The following CSMD1 variants were observed in gnomAD, a reference collection of about 807,000 sequenced individuals.
The protein encoded by CSMD1 is CUB and Sushi multiple domains 1, also known as CUB and sushi domain-containing protein 1.
Under a neutral mutation model 417.5 loss-of-function variants are expected in CSMD1, and 213 were observed. That is an observed-to-expected ratio of 0.51 (90% CI 0.46 to 0.57). The LOEUF is 0.57. CSMD1 is among the 20% of genes least tolerant of loss of function. The probability of loss-of-function intolerance (pLI) is 0.00; values close to 1 mark genes in which losing one functional copy is unlikely to be tolerated. For missense variants in CSMD1, 6,923 were observed against 4,529.7 expected, an observed-to-expected ratio of 1.53 and a Z score of -15.17; for synonymous variants, 2,862 against 1,736.8, an observed-to-expected ratio of 1.65 and a Z score of -16.11.
intron 3 of CSMD1, among the ~76,000 whole-genome samples, chr8:4,213,807 T>C (rs146459802): frequency 1.5e-4 from 23 of 152,026 alleles, no homozygotes; most frequent in African/African-American, 4.8e-4. Context: ...CTAACTTGCA[T>C]TGAGAAAGAT....
chr8:4,327,814 G>T (rs903472849), intron 3 of CSMD1, among the ~76,000 whole-genome samples: 2 of 152,200 alleles, frequency 1.3e-5, no homozygotes, highest in Non-Finnish European at 2.9e-5. Context: ...AATGTCTCCT[G>T]TAAGTATAAA....
At chr8:3,730,862 A>G (rs1796208886) in intron 6 of CSMD1, among the ~76,000 whole-genome samples, 1 of 152,190 alleles carries the variant, frequency 6.6e-6, no homozygotes, top group Admixed American at 6.5e-5. Flanking sequence ...GCTAGAGGTG[A>G]TAAGAGAGAG....
At chr8:4,302,699 T>G (rs1798042729) in intron 3 of CSMD1, among the ~76,000 whole-genome samples, 1 of 152,190 alleles carries the variant, frequency 6.6e-6, no homozygotes, top group Non-Finnish European at 1.5e-5. Context: ...CTGGTGTGTA[T>G]GTGCCGTGTT....
rs745959484 is a variant in CSMD1 at position 3,468,766 on chromosome 8, G to A, written c.1507C>T (p.His503Tyr). 9 of 1,607,268 alleles carry A rather than the reference G, an allele frequency of 5.6e-6. No individual in the cohort carries two copies. Among genetic ancestry groups the A allele is most frequent in the Non-Finnish European group, 6.8e-6 (8 of 1,177,112 alleles). ...IVSMSNQMWL[H>Y]LQSDDSIGSP... ...CCAATGCTATCATCCGACTGCAGAT[G>A]TAGCCACATCTGGTTGCTCATGCTC... Residue 503 changes from histidine to tyrosine, a missense_variant, in exon 12 of 70, where the codon CAT becomes TAT. Coordinates refer to ENST00000635120, the MANE Select transcript of CSMD1 (RefSeq NM_033225.6).
At chr8:4,008,596 T>C (rs13252472) in intron 4 of CSMD1, among the ~76,000 whole-genome samples, 7 of 145,550 alleles carry the variant, frequency 4.8e-5, no homozygotes, top group South Asian at 2.1e-4. Flanking sequence ...TTCTTTCTTT[T>C]TTTCTTTTTT....
chr8:4,609,735 G>C (rs1471491858), intron 2 of CSMD1, among the ~76,000 whole-genome samples: 3 of 152,088 alleles, frequency 2.0e-5, no homozygotes, highest in Non-Finnish European at 4.4e-5. Context: ...ACAGAAAAAA[G>C]TCAAAGAAGA....
chr8:3,193,515 C>A (rs963379969), intron 33 of CSMD1, among the ~76,000 whole-genome samples: 1 of 152,034 alleles, frequency 6.6e-6, no homozygotes, highest in African/African-American at 2.4e-5. Context: ...CCTCCCCGCC[C>A]GTCCTCTGGG....
chr8:4,917,688 G>A (rs1411397571), intron 1 of CSMD1, among the ~76,000 whole-genome samples: 1 of 152,060 alleles, frequency 6.6e-6, no homozygotes, highest in East Asian at 1.9e-4. Context: ...ATTTGGATGG[G>A]GGCATAGAGA....
At chr8:4,220,883 G>T (rs186586781) in intron 3 of CSMD1, among the ~76,000 whole-genome samples, 30 of 152,316 alleles carry the variant, frequency 2.0e-4, no homozygotes, top group Admixed American at 3.3e-4. Context: ...GAAGATTTGG[G>T]ACTGGATGTG....
At chr8:3,262,230 TACACAC>T (rs1554490216) in intron 26 of CSMD1, among the ~76,000 whole-genome samples, 4 of 95,670 alleles carry the variant, frequency 4.2e-5, no homozygotes, top group South Asian at 3.5e-4. Context: ...TATATATATA[TACACAC>T]ACATAGTTAA....
At position 2,975,720 on chromosome 8, in the gene CSMD1, A is replaced by G. The variant is rs551150746; in HGVS notation, c.8567-1096T>C. 3.5e-4 allele frequency among the ~76,000 whole-genome samples: 53 copies of G among 152,340 alleles called. No homozygotes were observed. The South Asian group carries it at 9.5e-3, about 27-fold the overall frequency. On this transcript the variant is annotated intron_variant, in intron 55 of 69. Coordinates refer to ENST00000635120, the MANE Select transcript of CSMD1 (RefSeq NM_033225.6). ...TTAAATTTTAACCTTCAGTGAAACA[A>G]TATCACAGCAAAATCAGACATGGAG...
At chr8:3,475,592 G>A (rs1817360812) in intron 11 of CSMD1, among the ~76,000 whole-genome samples, 1 of 152,130 alleles carries the variant, frequency 6.6e-6, no homozygotes, top group Non-Finnish European at 1.5e-5. Flanking sequence ...CAAGAGAATT[G>A]TATTAATCCA....
chr8:3,723,715 T>C (rs996126591), intron 6 of CSMD1, among the ~76,000 whole-genome samples: 6 of 152,194 alleles, frequency 3.9e-5, no homozygotes, highest in African/African-American at 1.4e-4. Context: ...TGTGCTTTTT[T>C]ACTTATTGCA....
intron 1 of CSMD1, among the ~76,000 whole-genome samples, chr8:4,902,250 A>C (rs1047998195): frequency 2.6e-5 from 4 of 151,404 alleles, no homozygotes; most frequent in African/African-American, 9.7e-5. Flanking sequence ...TCCATTAAAA[A>C]GACAAAACAT....
At chr8:3,136,383 G>C (rs1433354643) in intron 41 of CSMD1, among the ~76,000 whole-genome samples, 1 of 151,498 alleles carries the variant, frequency 6.6e-6, no homozygotes, top group East Asian at 1.9e-4. Context: ...TCCTGCCTCA[G>C]CCTCCTGAGA....
chr8:3,851,479 A>G (rs1305114942), intron 5 of CSMD1, among the ~76,000 whole-genome samples: 1 of 152,172 alleles, frequency 6.6e-6, no homozygotes, highest in Non-Finnish European at 1.5e-5. Context: ...AAAGTACAAA[A>G]AGAAAGACCT....
intron 55 of CSMD1, among the ~76,000 whole-genome samples, chr8:2,976,084 T>C (rs146067523): frequency 3.9e-5 from 6 of 152,198 alleles, no homozygotes; most frequent in Admixed American, 2.0e-4. Flanking sequence ...TACAGATGCA[T>C]TTTTTGTTAA....
chr8:4,097,916 G>C (rs1801106171), intron 3 of CSMD1, among the ~76,000 whole-genome samples: 1 of 152,120 alleles, frequency 6.6e-6, no homozygotes. Context: ...AAGAAAAAGA[G>C]CATCATATGA....
At chr8:4,137,344 A>T (rs1201658785) in intron 3 of CSMD1, among the ~76,000 whole-genome samples, 2 of 150,836 alleles carry the variant, frequency 1.3e-5, no homozygotes, top group African/African-American at 4.8e-5. Flanking sequence ...TAACTCAGAC[A>T]TGTTGAATAG....
Sources: allele counts gnomAD v4.1 joint callset (sites outside exome capture counted in the v4.1 genomes callset), GRCh38; gene constraint gnomAD v4.1.1; transcripts MANE v1.5; gene names NCBI Gene and HGNC (gene_info 2026-07-23, HGNC 2026-07-21).